The following RBFOX3 variants were observed in gnomAD, a reference collection of about 807,000 sequenced individuals.
RBFOX3 encodes RNA binding fox-1 homolog 3.
Under a neutral mutation model 48.7 loss-of-function variants are expected in RBFOX3, and 17 were observed. That is an observed-to-expected ratio of 0.35 (90% CI 0.24 to 0.52). The LOEUF (loss-of-function observed/expected upper bound fraction) is 0.52, where lower values mean the gene tolerates loss of function less well. Among genes scored for constraint, RBFOX3 ranks in the 20% least tolerant of loss-of-function variants. The pLI is 0.94. For missense variants in RBFOX3, 382 were observed against 497.5 expected (o/e 0.77, Z 2.21); for synonymous variants, 212 against 209.5 (o/e 1.01, Z -0.10).
chr17:79,614,071 C>G (rs1188073691), upstream of RBFOX3, among the ~76,000 whole-genome samples: 6 of 152,368 alleles, frequency 3.9e-5, no homozygotes, highest in East Asian at 9.6e-4. Context: ...CGGGGAGGCA[C>G]AGGAGAAGTG....
At chr17:79,504,180 G>A (rs984056942) in intron 1 of RBFOX3, among the ~76,000 whole-genome samples, 2 of 152,202 alleles carry the variant, frequency 1.3e-5, no homozygotes, top group African/African-American at 2.4e-5. Context: ...GTTCAGTCGC[G>A]TAAGCGTTTG....
At chr17:79,580,098 G>A (rs938386492) in intron 1 of RBFOX3, among the ~76,000 whole-genome samples, 2 of 151,992 alleles carry the variant, frequency 1.3e-5, no homozygotes, top group Non-Finnish European at 2.9e-5. Flanking sequence ...TCTCATCTCT[G>A]AGAACTTGGC....
At chr17:79,429,529 C>T (rs540454456) in intron 2 of RBFOX3, among the ~76,000 whole-genome samples, 2 of 152,258 alleles carry the variant, frequency 1.3e-5, no homozygotes, top group Non-Finnish European at 2.9e-5. Context: ...TTGCCTCTCA[C>T]TCAGTCCCTC....
intron 2 of RBFOX3, among the ~76,000 whole-genome samples, chr17:79,324,260 G>GC (rs2078981789): frequency 6.6e-6 from 1 of 152,226 alleles, no homozygotes. Flanking sequence ...ACAGCCAGGA[G>GC]GAGCAGCAGC....
chr17:79,335,442 A>C (rs1024987849), intron 2 of RBFOX3, among the ~76,000 whole-genome samples: 1 of 152,200 alleles, frequency 6.6e-6, no homozygotes, highest in Non-Finnish European at 1.5e-5. Context: ...TTTAACACGC[A>C]CAGACACTAT....
intron 3 of RBFOX3, among the ~76,000 whole-genome samples, chr17:79,278,438 G>C (rs1419721800): frequency 6.6e-6 from 1 of 152,230 alleles, no homozygotes; most frequent in Non-Finnish European, 1.5e-5. Flanking sequence ...CCAGAGTGGG[G>C]GAGGTTGAAG....
chr17:79,432,043 A>C (rs2068555983), intron 2 of RBFOX3, among the ~76,000 whole-genome samples: 2 of 152,220 alleles, frequency 1.3e-5, no homozygotes, highest in African/African-American at 4.8e-5. Context: ...TAAGTCATAC[A>C]GTGCTTGTGC....
intron 1 of RBFOX3, among the ~76,000 whole-genome samples, chr17:79,511,919 A>G (rs2084312052): frequency 7.0e-6 from 1 of 141,908 alleles, no homozygotes; most frequent in African/African-American, 2.7e-5. Context: ...GGGGACACCC[A>G]CCCGGATACG....
intron 1 of RBFOX3, among the ~76,000 whole-genome samples, chr17:79,532,007 C>T (rs900845234): frequency 1.3e-5 from 2 of 152,194 alleles, no homozygotes; most frequent in Non-Finnish European, 2.9e-5. Flanking sequence ...ACCCTTGAAC[C>T]CAGATTCTGC....
intron 1 of RBFOX3, among the ~76,000 whole-genome samples, chr17:79,510,733 G>A (rs1039081386): frequency 0.014 from 2,141 of 152,264 alleles, 53 homozygotes; most frequent in African/African-American, 0.05. Context: ...GGATGAGGAC[G>A]GAGGACGTTT....
At chr17:79,367,241 T>TCCCTCCTC (rs1222302113) in intron 2 of RBFOX3, among the ~76,000 whole-genome samples, 1 of 106,036 alleles carries the variant, frequency 9.4e-6, no homozygotes, top group Non-Finnish European at 1.9e-5. Flanking sequence ...CCTCCCCTTC[T>TCCCTCCTC]CCCTCCTCCC....
At chr17:79,529,220 G>A (rs1454532662) in intron 1 of RBFOX3, among the ~76,000 whole-genome samples, 4 of 152,168 alleles carry the variant, frequency 2.6e-5, no homozygotes, top group Admixed American at 1.3e-4. Flanking sequence ...CAAAAGCCTG[G>A]GGGATGGGGG....
At chr17:79,497,578 C>G (rs1324054777) in intron 1 of RBFOX3, among the ~76,000 whole-genome samples, 1 of 152,252 alleles carries the variant, frequency 6.6e-6, no homozygotes, top group Non-Finnish European at 1.5e-5. Flanking sequence ...CAAAGCCTGG[C>G]TCTTTCCTCA....
chr17:79,148,415 G>A (rs1282148252), intron 4 of RBFOX3, among the ~76,000 whole-genome samples: 2 of 152,208 alleles, frequency 1.3e-5, no homozygotes, highest in African/African-American at 4.8e-5. Context: ...GACAGAAGTT[G>A]GGGGGTGGAA....
intron 2 of RBFOX3, among the ~76,000 whole-genome samples, chr17:79,476,861 G>A (rs2077848019): frequency 6.6e-6 from 1 of 151,330 alleles, no homozygotes; most frequent in African/African-American, 2.4e-5. Flanking sequence ...GAAGAGGAGG[G>A]GGAATGAGAA....
At chr17:79,454,070 C>T (rs1371035589) in intron 2 of RBFOX3, among the ~76,000 whole-genome samples, 1 of 152,116 alleles carries the variant, frequency 6.6e-6, no homozygotes, top group Non-Finnish European at 1.5e-5. Flanking sequence ...AGGAGGGCAC[C>T]TCTCAGATGC....
intron 1 of RBFOX3, among the ~76,000 whole-genome samples, chr17:79,526,460 C>T (rs2086809721): frequency 1.3e-5 from 2 of 152,236 alleles, no homozygotes; most frequent in Non-Finnish European, 2.9e-5. Flanking sequence ...CAAGGCTGTG[C>T]CTCCGCCACT....
rs1020124346 is a variant in RBFOX3, at chr17:79,364,689, C to G, written c.-174-56865G>C. Among the ~76,000 whole-genome samples, 2 of 152,176 alleles carry G rather than the reference C, an allele frequency of 1.3e-5. No individual in the cohort carries two copies. Among genetic ancestry groups the G allele is most frequent in the Admixed American group, 1.3e-4 (2 of 15,284 alleles). On this transcript the variant is annotated intron_variant, in intron 2 of 14. Coordinates refer to ENST00000693108, the MANE Select transcript of RBFOX3 (RefSeq NM_001350451.2). This position sits in a 1 kb window ranked among gnomAD's most constrained non-coding sequence, Gnocchi z 5.1. Reference sequence around the variant, plus strand: ...GTTTGCTTTCTGGTGGGGAAGCACGCTCTCCACTGATGGGGGACACCATAT... The same window carrying G: ...GTTTGCTTTCTGGTGGGGAAGCACGGTCTCCACTGATGGGGGACACCATAT...
intron 4 of RBFOX3, among the ~76,000 whole-genome samples, chr17:79,200,706 A>G (rs886966735): frequency 1.3e-5 from 2 of 152,180 alleles, no homozygotes; most frequent in Non-Finnish European, 1.5e-5. Context: ...CGTGAACTCA[A>G]TAATAAAAGC....
Sources: gnomAD v4.1 joint callset for allele counts (sites outside exome capture counted in the v4.1 genomes callset) on GRCh38, gnomAD v4.1.1 for gene constraint, Gnocchi (gnomAD v3.1) non-coding constraint, MANE v1.5 for transcripts, NCBI Gene and HGNC (gene_info 2026-07-23, HGNC 2026-07-21) for gene names.